AMER2: variants seen among roughly 807,000 people sequenced by gnomAD.
AMER2 encodes family with sequence similarity 123A.
Under a neutral mutation model 4.7 loss-of-function variants are expected in AMER2, and 1 was observed. That is an observed-to-expected ratio of 0.21 (90% CI 0.07 to 1.00). The LOEUF is 1.00. Ranked by LOEUF, AMER2 falls within the 50% of genes least tolerant of loss-of-function variation. The pLI is 0.60. For missense variants in AMER2, 988 were observed against 966.9 expected, an observed-to-expected ratio of 1.02 and a Z score of -0.29; for synonymous variants, 485 against 433.3, an observed-to-expected ratio of 1.12 and a Z score of -1.48.
chr13:25,170,864 G>A lies in AMER2; in HGVS notation c.756C>T (p.Ser252=). 3.4e-6 allele frequency: 5 copies of A among 1,456,254 alleles called. No homozygotes were observed. Among genetic ancestry groups the A allele is most frequent in the South Asian group, 1.4e-5 (1 of 69,116 alleles). 90.2% of individuals were successfully genotyped at this position (1,456,254 alleles called of 1,614,324 possible). ...PRAAREPEEP[S]QDAPRDPAGE... The stretch of plus-strand genomic sequence containing the variant: ...CTGCTGGGTCTCGCGGGGCGTCCTG[G>A]CTGGGCTCCTCCGGCTCGCGCGCGG... The change falls in exon 1 of 1, where the codon AGC becomes AGT. Residue 252 remains serine (S), a synonymous_variant. Coordinates refer to ENST00000515384, the MANE Select transcript of AMER2 (RefSeq NM_152704.4). This position sits in a 1 kb window ranked among gnomAD's most constrained non-coding sequence, Gnocchi z 7.3.
rs145230863 is a variant in AMER2, at chr13:25,170,375, C to G, written c.1245G>C (p.Val415=). The change falls in exon 1 of 1, where the codon GTG becomes GTC. Residue 415 remains valine (V), a synonymous_variant. Transcript: ENST00000515384. This position sits in a 1 kb window ranked among gnomAD's most constrained non-coding sequence, Gnocchi z 7.3. ...CTTCCCCGCCTCCTTGGTAGGCCAC[C>G]ACGCCGGGGTTCTTTTTAGACAGAG... ...KPALSKKNPG[V]VAYQGGGEEM... The G allele has an allele frequency of 6.2e-6, 10 of 1,614,110 alleles. No individual in the cohort carries two copies. The highest frequency in any genetic ancestry group is 8.5e-6 in the Non-Finnish European group (10 of 1,179,990).
Position 25,171,708 on chromosome 13 carries a change from T to C in AMER2, c.-89A>G. On this transcript the variant is annotated 5_prime_UTR_variant, in exon 1 of 1. Transcript: ENST00000515384. The surrounding 1 kb of genome is among the most constrained non-coding windows in gnomAD (Gnocchi z 5.9). ...TATTCTAAATCAACCTGAGCCGCGC[T>C]CGCCGCCGCCGCTGCAAAAGAAACA... The C allele has an allele frequency of 1.4e-6, 2 of 1,410,096 alleles. No homozygotes were observed. The highest frequency in any genetic ancestry group is 1.8e-6 in the Non-Finnish European group (2 of 1,092,606). The allele number at this position is 1,410,096 out of a possible 1,614,324, so 87.3% of individuals were successfully genotyped here. A position where few individuals can be genotyped will look rare whatever the true frequency, so the allele number is the denominator to read the frequency against.
Position 25,170,937 on chromosome 13 carries a change from C to T in AMER2, c.683G>A (p.Gly228Asp), listed in dbSNP as rs1956559414. Residue 228 changes from glycine to aspartate, a missense_variant, in exon 1 of 1, where the codon GGC becomes GAC. By Grantham distance (94) the Gly-to-Asp change is moderately conservative. Coordinates refer to ENST00000515384, the MANE Select transcript of AMER2 (RefSeq NM_152704.4). This position sits in a 1 kb window ranked among gnomAD's most constrained non-coding sequence, Gnocchi z 7.3. ...GCACTCCAGGCTGGCGGTGAGCGAG[C>T]CGGGTAGGATCAAGCCGCCCCCGGG... The part of the protein sequence containing the change: ...RAPGGGLILP[G>D]SLTASLECVK... 4 of 1,500,586 alleles carry T rather than the reference C, an allele frequency of 2.7e-6. No homozygotes were observed. The highest frequency in any genetic ancestry group is 3.5e-6 in the Non-Finnish European group (4 of 1,130,184). 93.0% of individuals were successfully genotyped at this position (1,500,586 alleles called of 1,614,324 possible). A position where few individuals can be genotyped will look rare whatever the true frequency, so the allele number is the denominator to read the frequency against.
In AMER2 at chr13:25,170,004, C is replaced by G; in HGVS notation, c.1616G>C (p.Ser539Thr). The G allele has an allele frequency of 6.2e-7, 1 of 1,613,864 alleles. No individual in the cohort carries two copies. Among genetic ancestry groups the G allele is most frequent in the Non-Finnish European group, 8.5e-7 (1 of 1,179,890 alleles). ...TPGPEEDSSS[S>T]GKKAGIPRDS... ...CCGGGGGATGCCCGCCTTCTTCCCGCTGCTCGAGCTGTCTTCCTCTGGGCC... is the reference window on the plus strand; with the variant it reads ...CCGGGGGATGCCCGCCTTCTTCCCGGTGCTCGAGCTGTCTTCCTCTGGGCC... The change falls in exon 1 of 1, where the codon AGC becomes ACC. Residue 539 changes from serine to threonine, a missense_variant. Ser to Thr is a moderately conservative substitution (Grantham distance 58). Coordinates refer to ENST00000515384, the MANE Select transcript of AMER2 (RefSeq NM_152704.4). The surrounding 1 kb of genome is among the most constrained non-coding windows in gnomAD (Gnocchi z 7.3).
In AMER2 at chr13:25,162,289, C is replaced by T. The variant is rs1181662498; in HGVS notation, c.*7315G>A. ...ACACTGAGATACTTTATATAAATAA[C>T]GTGGGCGAAACCTGAAGTTCACAAT... On this transcript the variant is annotated 3_prime_UTR_variant, in exon 1 of 1. Transcript: ENST00000515384. The T allele has an allele frequency of 1.3e-5, 2 of 152,074 alleles. No homozygotes were observed. The highest frequency in any genetic ancestry group is 6.5e-5 in the Admixed American group (1 of 15,270). The allele number at this position is 152,074 out of a possible 1,614,324, so 9.4% of individuals were successfully genotyped here.
At position 25,163,319 on chromosome 13, in the gene AMER2, T is replaced by A. The variant is rs563341347; in HGVS notation, c.*6285A>T. On this transcript the variant is annotated 3_prime_UTR_variant, in exon 1 of 1. Coordinates refer to ENST00000515384, the MANE Select transcript of AMER2 (RefSeq NM_152704.4). ...TAGAATTACCATATGAATGACCCAG[T>A]CATTCCACTTCTGGGTATTTATTCA... 2 of 152,240 alleles carry A rather than the reference T, an allele frequency of 1.3e-5. No homozygotes were observed. The highest frequency in any genetic ancestry group is 4.1e-4 in the South Asian group (2 of 4,820). The allele number at this position is 152,240 out of a possible 1,614,324, so 9.4% of individuals were successfully genotyped here. A position where few individuals can be genotyped will look rare whatever the true frequency, so the allele number is the denominator to read the frequency against.
In AMER2 at chr13:25,162,341, T is replaced by C. The variant is rs1956418283; in HGVS notation, c.*7263A>G. On this transcript the variant is annotated 3_prime_UTR_variant, in exon 1 of 1. Coordinates refer to ENST00000515384, the MANE Select transcript of AMER2 (RefSeq NM_152704.4). ...AGCCTGCTAGGTAGCTGGTGTCAAG[T>C]ACAAATGATAGGAATTGACTTTGCC... is the stretch of plus-strand genomic sequence containing the variant. The C allele has an allele frequency of 6.6e-6, 1 of 152,156 alleles. No individual in the cohort carries two copies. The highest frequency in any genetic ancestry group is 1.5e-5 in the Non-Finnish European group (1 of 68,018). 9.4% of individuals were successfully genotyped at this position (152,156 alleles called of 1,614,324 possible).
chr13:25,170,292 A>G lies in AMER2; in HGVS notation c.1328T>C (p.Leu443Pro). 1.2e-6 allele frequency: 2 copies of G among 1,613,490 alleles called. No homozygotes were observed. The highest frequency in any genetic ancestry group is 1.7e-6 in the Non-Finnish European group (2 of 1,179,862). ...DTYLQEFWDM[L>P]SQTEEQGPEP... ...GGGTCCCTGCTCCTCGGTCTGGGAGAGCATGTCCCAGAACTCCTGTAGATA... is the reference window on the plus strand; with the variant it reads ...GGGTCCCTGCTCCTCGGTCTGGGAGGGCATGTCCCAGAACTCCTGTAGATA... Residue 443 changes from leucine to proline, a missense_variant, in exon 1 of 1, where the codon CTC becomes CCC. By Grantham distance (98) the Leu-to-Pro change is moderately conservative. Coordinates refer to ENST00000515384, the MANE Select transcript of AMER2 (RefSeq NM_152704.4). The surrounding 1 kb of genome is among the most constrained non-coding windows in gnomAD (Gnocchi z 7.3).
rs1225730657 is a variant in AMER2, at chr13:25,171,335, C to G, written c.285G>C (p.Ser95=). 6.2e-7 allele frequency: 1 copy of G among 1,610,090 alleles called. No individual in the cohort carries two copies. The highest frequency in any genetic ancestry group is 8.5e-7 in the Non-Finnish European group (1 of 1,178,824). The part of the protein sequence containing the change: ...GVKNKGDGKS[S]GPTGLVRSRT... ...TGCTCCTCACCAGCCCCGTCGGACC[C>G]GAGCTTTTCCCGTCCCCTTTGTTTT... Residue 95 remains serine, a synonymous_variant, in exon 1 of 1, where the codon TCG becomes TCC. Coordinates refer to ENST00000515384, the MANE Select transcript of AMER2 (RefSeq NM_152704.4). This position sits in a 1 kb window ranked among gnomAD's most constrained non-coding sequence, Gnocchi z 5.9.
chr13:25,171,587 C>CCCGCCG lies in AMER2; in HGVS notation c.27_32dup (p.Gly10_Gly11dup). 7 of 1,506,424 alleles carry CCCGCCG rather than the reference C, an allele frequency of 4.6e-6. No individual in the cohort carries two copies. The highest frequency in any genetic ancestry group is 1.8e-4 in the Middle Eastern group (1 of 5,626). The allele number at this position is 1,506,424 out of a possible 1,614,324, so 93.3% of individuals were successfully genotyped here. A position where few individuals can be genotyped will look rare whatever the true frequency, so the allele number is the denominator to read the frequency against. On this transcript the variant is annotated inframe_insertion, in exon 1 of 1. Coordinates refer to ENST00000515384, the MANE Select transcript of AMER2 (RefSeq NM_152704.4). The surrounding 1 kb of genome is among the most constrained non-coding windows in gnomAD (Gnocchi z 5.9). ...CAGCTCCGCCGCGCTCGCTGACAGC[C>CCCGCCG]CCGCCGCCGCCGCGGCTCCGGCTCG...
chr13:25,166,056 C>T lies in AMER2; in HGVS notation c.*3548G>A, dbSNP rs1440128611. The T allele has an allele frequency of 1.3e-5, 2 of 152,310 alleles. No homozygotes were observed. Among genetic ancestry groups the T allele is most frequent in the East Asian group, 1.9e-4 (1 of 5,188 alleles). The allele number at this position is 152,310 out of a possible 1,614,324, so 9.4% of individuals were successfully genotyped here. ...CTCAACACCTGACATAGTCTTTTTA[C>T]CTGGATAATTGTGTAAGCAAAGGGC... On this transcript the variant is annotated 3_prime_UTR_variant, in exon 1 of 1. Transcript: ENST00000515384.
In AMER2 at chr13:25,171,074, G is replaced by T. The variant is rs2137449083; in HGVS notation, c.546C>A (p.Asp182Glu). 6.3e-7 allele frequency: 1 copy of T among 1,576,310 alleles called. No individual in the cohort carries two copies. The highest frequency in any genetic ancestry group is 8.6e-7 in the Non-Finnish European group (1 of 1,162,692). The change falls in exon 1 of 1, where the codon GAC becomes GAA. Residue 182 changes from aspartate to glutamate, a missense_variant. By Grantham distance (45) the Asp-to-Glu change is conservative. Transcript: ENST00000515384. This position sits in a 1 kb window ranked among gnomAD's most constrained non-coding sequence, Gnocchi z 5.9. ...RSENGKGEPVDASKAGGKQKR... is the reference protein window; with the variant it reads ...RSENGKGEPVEASKAGGKQKR... ...TTTGTTTGCCGCCGGCCTTGCTCGCGTCCACAGGCTCTCCCTTGCCGTTTT... is the reference window on the plus strand; with the variant it reads ...TTTGTTTGCCGCCGGCCTTGCTCGCTTCCACAGGCTCTCCCTTGCCGTTTT...
At position 25,170,999 on chromosome 13, in the gene AMER2, G is replaced by A; in HGVS notation, c.621C>T (p.Asp207=). 2 of 1,565,768 alleles carry A rather than the reference G, an allele frequency of 1.3e-6. No homozygotes were observed. Among genetic ancestry groups the A allele is most frequent in the Non-Finnish European group, 1.7e-6 (2 of 1,157,558 alleles). ...CCGCGGCCTCCGCCTTGGCCCGCTT[G>A]TCTTTCCTGTGCCAGCGCATGCCGC... ...LFSGMRWHRK[D]KRAKAEAAEG... The change falls in exon 1 of 1, where the codon GAC becomes GAT. Residue 207 remains aspartate, a synonymous_variant. Transcript: ENST00000515384. This position sits in a 1 kb window ranked among gnomAD's most constrained non-coding sequence, Gnocchi z 7.3.
rs1171698884 is a variant in AMER2, at chr13:25,163,799, G to T, written c.*5805C>A. ...TGGCTATAGTTAACAATACTGTATT[G>T]TGTACTTAAAAATTAAAGAAGGTAA... On this transcript the variant is annotated 3_prime_UTR_variant, in exon 1 of 1. Coordinates refer to ENST00000515384, the MANE Select transcript of AMER2 (RefSeq NM_152704.4). 6.6e-6 allele frequency: 1 copy of T among 151,910 alleles called. No individual in the cohort carries two copies. The highest frequency in any genetic ancestry group is 1.5e-5 in the Non-Finnish European group (1 of 67,990). The allele number at this position is 151,910 out of a possible 1,614,324, so 9.4% of individuals were successfully genotyped here.
In AMER2 at chr13:25,168,603, A is replaced by G. The variant is rs556333485; in HGVS notation, c.*1001T>C. The G allele has an allele frequency of 1.6e-3, 238 of 152,302 alleles. No individual in the cohort carries two copies. The highest frequency in any genetic ancestry group is 5.1e-3 in the African/African-American group (213 of 41,512). The allele number at this position is 152,302 out of a possible 1,614,324, so 9.4% of individuals were successfully genotyped here. A position where few individuals can be genotyped will look rare whatever the true frequency, so the allele number is the denominator to read the frequency against. On this transcript the variant is annotated 3_prime_UTR_variant, in exon 1 of 1. Coordinates refer to ENST00000515384, the MANE Select transcript of AMER2 (RefSeq NM_152704.4). ...CCATTACAGTACATAACAGAACATC[A>G]ATGGTTTGGGGACCATCATCATGTC...
rs1956493784 is a variant in AMER2, at chr13:25,167,486, G to T, written c.*2118C>A. 6.6e-6 allele frequency: 1 copy of T among 152,180 alleles called. No homozygotes were observed. Among genetic ancestry groups the T allele is most frequent in the African/African-American group, 2.4e-5 (1 of 41,460 alleles). The allele number at this position is 152,180 out of a possible 1,614,324, so 9.4% of individuals were successfully genotyped here. A position where few individuals can be genotyped will look rare whatever the true frequency, so the allele number is the denominator to read the frequency against. On this transcript the variant is annotated 3_prime_UTR_variant, in exon 1 of 1. Transcript: ENST00000515384. ...AAAAATAATTTCCAGATCTAGAGTA[G>T]ATGTCTTTTGTCTGTTAGTCTGTAC...
rs762850029 is a variant in AMER2, at chr13:25,169,862, G to A, written c.1758C>T (p.Pro586=). 5.0e-6 allele frequency: 8 copies of A among 1,613,992 alleles called. No homozygotes were observed. In the Admixed American group the frequency reaches 5.0e-5, roughly 10 times the overall value. ...GACAGGTGATGGTGCCTGGAGATACGGGCTTTAACCGGGACAGGGAGGACG... is the reference window on the plus strand; with the variant it reads ...GACAGGTGATGGTGCCTGGAGATACAGGCTTTAACCGGGACAGGGAGGACG... ...EETSSLSRLK[P]VSPGTITCPL... Residue 586 remains proline, a synonymous_variant, in exon 1 of 1, where the codon CCC becomes CCT. Transcript: ENST00000515384. This position sits in a 1 kb window ranked among gnomAD's most constrained non-coding sequence, Gnocchi z 4.2.
rs1364152742 is a variant in AMER2 at position 25,167,702 on chromosome 13, TGAA to T, written c.*1899_*1901del. On this transcript the variant is annotated 3_prime_UTR_variant, in exon 1 of 1. Transcript: ENST00000515384. ...CAATAAAAGCCAGTCATATGACTAA[TGAA>T]GAAATTCAGCAAACCTCTCCTAATT... 1 of 152,326 alleles carries T rather than the reference TGAA, an allele frequency of 6.6e-6. No individual in the cohort carries two copies. The highest frequency in any genetic ancestry group is 1.9e-4 in the East Asian group (1 of 5,190). The allele number at this position is 152,326 out of a possible 1,614,324, so 9.4% of individuals were successfully genotyped here.
In AMER2 at chr13:25,170,881, C is replaced by G. The variant is rs756966611; in HGVS notation, c.739G>C (p.Glu247Gln). The G allele has an allele frequency of 2.7e-6, 4 of 1,458,328 alleles. No homozygotes were observed. The highest frequency in any genetic ancestry group is 2.9e-5 in the African/African-American group (2 of 68,380). The allele number at this position is 1,458,328 out of a possible 1,614,324, so 90.3% of individuals were successfully genotyped here. ...VKEETPRAAR[E>Q]PEEPSQDAPR... ...GCGTCCTGGCTGGGCTCCTCCGGCT[C>G]GCGCGCGGCTCTGGGCGTCTCCTCC... The change falls in exon 1 of 1, where the codon GAG becomes CAG. Residue 247 changes from glutamate to glutamine, a missense_variant. By Grantham distance (29) the Glu-to-Gln change is conservative. Transcript: ENST00000515384. This position sits in a 1 kb window ranked among gnomAD's most constrained non-coding sequence, Gnocchi z 7.3.
Sources: allele counts gnomAD v4.1 joint callset, GRCh38; gene constraint gnomAD v4.1.1; non-coding constraint Gnocchi (gnomAD v3.1); transcripts MANE v1.5; gene names NCBI Gene and HGNC (gene_info 2026-07-23, HGNC 2026-07-21).